The following ADAM12 variants were observed in gnomAD, a reference collection of about 807,000 sequenced individuals.
The protein encoded by ADAM12 is disintegrin and metalloproteinase domain-containing protein 12.
A neutral mutation model predicts 106.4 loss-of-function variants in ADAM12; 70 were observed. The observed-to-expected ratio is 0.66, with a 90% confidence interval of 0.54 to 0.80. ADAM12 has a LOEUF of 0.80. Among genes scored for constraint, ADAM12 ranks in the 30% least tolerant of loss-of-function variants. The pLI is 0.00. For missense variants in ADAM12, 1,010 were observed against 1,171.9 expected, an observed-to-expected ratio of 0.86 and a Z score of 2.02; for synonymous variants, 420 against 433.5, an observed-to-expected ratio of 0.97 and a Z score of 0.39.
At chr10:126,029,836 T>A (rs1417436499) in intron 21 of ADAM12, among the ~76,000 whole-genome samples, 1 of 152,222 alleles carries the variant, frequency 6.6e-6, no homozygotes, top group Non-Finnish European at 1.5e-5. Flanking sequence ...GTTTTTAACC[T>A]ATCGATTGGC....
At chr10:126,120,289 T>C (rs371899293) in intron 5 of ADAM12, among the ~76,000 whole-genome samples, 3 of 152,316 alleles carry the variant, frequency 2.0e-5, no homozygotes, top group African/African-American at 7.2e-5. Context: ...TTAACAGTCA[T>C]AGCACAGGTG....
chr10:126,051,588 TCCAGCCAG>T (rs199619555), intron 14 of ADAM12, among the ~76,000 whole-genome samples: 8 of 124,318 alleles, frequency 6.4e-5, no homozygotes, highest in Admixed American at 8.3e-5. Context: ...CATCCATCCA[TCCAGCCAG>T]CCAGCCACCT....
intron 3 of ADAM12, among the ~76,000 whole-genome samples, chr10:126,159,112 A>G (rs1590527240): frequency 6.6e-6 from 1 of 152,142 alleles, no homozygotes; most frequent in Admixed American, 6.5e-5. Context: ...GATCGAGACC[A>G]TTCTGGCTAA....
At chr10:126,193,959 G>A (rs1460142821) in intron 3 of ADAM12, among the ~76,000 whole-genome samples, 2 of 141,220 alleles carry the variant, frequency 1.4e-5, no homozygotes, top group Non-Finnish European at 1.5e-5. Flanking sequence ...TGTGAGAGAG[G>A]CCTGATATGA....
chr10:126,244,799 C>G (rs138499068), intron 3 of ADAM12, among the ~76,000 whole-genome samples: 10 of 152,216 alleles, frequency 6.6e-5, no homozygotes. Context: ...GAAAATGCTA[C>G]TTGAGTGGGG....
chr10:126,161,368 G>C (rs1188101112), intron 3 of ADAM12, among the ~76,000 whole-genome samples: 2 of 152,110 alleles, frequency 1.3e-5, no homozygotes, highest in Non-Finnish European at 2.9e-5. Context: ...CAAATGACCT[G>C]CCCAAGGTCA....
intron 1 of ADAM12, among the ~76,000 whole-genome samples, chr10:126,339,493 G>C (rs1245877561): frequency 6.6e-6 from 1 of 152,076 alleles, no homozygotes; most frequent in Non-Finnish European, 1.5e-5. Flanking sequence ...CTTTGCTTTT[G>C]TTCTTTTGTC....
At chr10:126,068,244 A>G (rs1260799778) in intron 12 of ADAM12, among the ~76,000 whole-genome samples, 1 of 152,226 alleles carries the variant, frequency 6.6e-6, no homozygotes, top group Non-Finnish European at 1.5e-5. Flanking sequence ...AGTGTCATCA[A>G]ATGCACACCA....
At chr10:126,274,281 T>G (rs370219360) in intron 3 of ADAM12, among the ~76,000 whole-genome samples, 11 of 152,156 alleles carry the variant, frequency 7.2e-5, no homozygotes, top group Admixed American at 2.6e-4. Context: ...CGGCGAAGGA[T>G]GCAGGGTTTT....
At chr10:126,134,186 T>C (rs1176410678) in intron 5 of ADAM12, among the ~76,000 whole-genome samples, 3 of 152,142 alleles carry the variant, frequency 2.0e-5, no homozygotes, top group Non-Finnish European at 4.4e-5. Context: ...TAAAGTTCAA[T>C]TGTGTTGCAT....
At chr10:126,077,771 G>A (rs1175787966) in intron 11 of ADAM12, among the ~76,000 whole-genome samples, 1 of 152,024 alleles carries the variant, frequency 6.6e-6, no homozygotes, top group Non-Finnish European at 1.5e-5. Flanking sequence ...AGATTTAAAG[G>A]TGTTTTTCAT....
At chr10:126,122,776 A>G (rs1956138367) in intron 5 of ADAM12, among the ~76,000 whole-genome samples, 1 of 152,180 alleles carries the variant, frequency 6.6e-6, no homozygotes, top group Admixed American at 6.5e-5. Context: ...AAAAAAAACA[A>G]AAACAGGCAA....
At chr10:126,234,651 C>T (rs1423398597) in intron 3 of ADAM12, among the ~76,000 whole-genome samples, 1 of 152,194 alleles carries the variant, frequency 6.6e-6, no homozygotes, top group African/African-American at 2.4e-5. Context: ...CGCATCCTGA[C>T]AGTGTCCACC....
rs558925593 is a variant in ADAM12, at chr10:126,290,460, C to T, written c.187-11472G>A. 2.0e-5 allele frequency among the ~76,000 whole-genome samples: 3 copies of T among 152,284 alleles called. No homozygotes were observed. In the East Asian group the frequency reaches 5.8e-4, roughly 29 times the overall value. ...TGTTATAGCAGCACTAGACAACTGACTTAATTAGTATGATCGCTATGAGAT... is the reference window on the plus strand; with the variant it reads ...TGTTATAGCAGCACTAGACAACTGATTTAATTAGTATGATCGCTATGAGAT... On this transcript the variant is annotated intron_variant, in intron 2 of 22. Transcript: ENST00000448723.
At chr10:126,094,575 A>T (rs1565051780) in intron 10 of ADAM12, among the ~76,000 whole-genome samples, 1 of 152,232 alleles carries the variant, frequency 6.6e-6, no homozygotes, top group Non-Finnish European at 1.5e-5. Flanking sequence ...AGGTGCAAGC[A>T]CGCTTAATGA....
intron 14 of ADAM12, among the ~76,000 whole-genome samples, chr10:126,051,564 T>TCCAGCCAG (rs1446296978): frequency 2.7e-5 from 3 of 112,072 alleles, no homozygotes; most frequent in Non-Finnish European, 5.0e-5. Context: ...CATCCATCCA[T>TCCAGCCAG]CCATCCATCC....
chr10:126,341,949 C>T (rs1854945901), intron 1 of ADAM12, among the ~76,000 whole-genome samples: 1 of 152,172 alleles, frequency 6.6e-6, no homozygotes, highest in African/African-American at 2.4e-5. Context: ...GAGAAAAATG[C>T]ACTTTGACTT....
intron 3 of ADAM12, among the ~76,000 whole-genome samples, chr10:126,258,930 T>A (rs534787187): frequency 6.6e-6 from 1 of 152,340 alleles, no homozygotes; most frequent in Non-Finnish European, 1.5e-5. Flanking sequence ...TGCAAGCTCT[T>A]TGAGGTCAAG....
At chr10:126,191,694 A>G (rs942931568) in intron 3 of ADAM12, among the ~76,000 whole-genome samples, 6 of 152,238 alleles carry the variant, frequency 3.9e-5, no homozygotes, top group Non-Finnish European at 8.8e-5. Flanking sequence ...AATGCTGTGG[A>G]CAATAGCTTA....
Sources: allele counts gnomAD v4.1 joint callset (sites outside exome capture counted in the v4.1 genomes callset), GRCh38; gene constraint gnomAD v4.1.1; transcripts MANE v1.5; gene names NCBI Gene and HGNC (gene_info 2026-07-23, HGNC 2026-07-21).